COL4A4: variants seen among roughly 807,000 people sequenced by gnomAD.
The protein encoded by COL4A4 is collagen type IV alpha 4 chain, also known as collagen alpha-4(IV) chain.
Under a neutral mutation model 192.9 loss-of-function variants are expected in COL4A4, and 105 were observed. The observed-to-expected ratio is 0.54, with a 90% confidence interval of 0.46 to 0.64. The LOEUF is 0.64. Ranked by LOEUF, COL4A4 falls within the 30% of genes least tolerant of loss-of-function variation. The pLI is 0.00. For missense variants in COL4A4, 1,967 were observed against 2,169.3 expected, an observed-to-expected ratio of 0.91 and a Z score of 1.85; for synonymous variants, 762 against 769.9, an observed-to-expected ratio of 0.99 and a Z score of 0.17.
At position 227,090,573 on chromosome 2, in the gene COL4A4, A is replaced by AC. The variant is rs949612494; in HGVS notation, c.1370-617dup. ...AGACCAGCCTGGCCAACATGGTAAA[A>AC]CCCCCCCCATCTCTGCAAAATCACA... On this transcript the variant is annotated intron_variant, in intron 20 of 47. Transcript: ENST00000396625. Among the ~76,000 whole-genome samples, 660 of 149,926 alleles carry AC rather than the reference A, an allele frequency of 4.4e-3. 4 individuals are homozygous for AC. The highest frequency in any genetic ancestry group is 0.015 in the African/African-American group (613 of 40,786).
intron 17 of COL4A4, 115 bp downstream of exon 17, chr2:227,101,389 C>G: frequency 2.3e-6 from 2 of 873,916 alleles, no homozygotes; most frequent in Non-Finnish European, 1.8e-6. Flanking sequence ...TTAACTGTAT[C>G]TCTTCTAAAA....
intron 26 of COL4A4, 75 bp downstream of exon 26, chr2:227,062,455 G>T: frequency 1.1e-6 from 1 of 932,526 alleles, no homozygotes; most frequent in Non-Finnish European, 1.7e-6. Flanking sequence ...ATTCACTCTT[G>T]GTTTATCTGT....
intron 44 of COL4A4, among the ~76,000 whole-genome samples, chr2:227,014,876 G>A (rs1052371074): frequency 2.7e-5 from 4 of 149,890 alleles, no homozygotes; most frequent in East Asian, 1.9e-4. Context: ...CTACAGGCAC[G>A]GGCCACCATG....
Position 227,060,127 on chromosome 2 carries a change from C to CA in COL4A4, c.2164+8_2164+9insT. On this transcript the variant is annotated intron_variant, in intron 27 of 47. Transcript: ENST00000396625. ...AAAAAAAAAAAAAAAAAAAAAAAAC[C>CA]TCACTGACCAGGTGGACCTGGTATT... 1.8e-6 allele frequency: 1 copy of CA among 540,890 alleles called. No homozygotes were observed. The highest frequency in any genetic ancestry group is 2.5e-6 in the Non-Finnish European group (1 of 392,440). 33.5% of individuals were successfully genotyped at this position (540,890 alleles called of 1,614,324 possible). A position where few individuals can be genotyped will look rare whatever the true frequency, so the allele number is the denominator to read the frequency against.
intron 29 of COL4A4, 135 bp downstream of exon 29, chr2:227,057,304 A>G: frequency 1.9e-6 from 2 of 1,048,488 alleles, no homozygotes; most frequent in South Asian, 2.8e-5. Flanking sequence ...CCAACATGAA[A>G]CTCATGAGTA....
intron 1 of COL4A4, among the ~76,000 whole-genome samples, chr2:227,159,656 G>C (rs1367080132): frequency 6.6e-6 from 1 of 152,178 alleles, no homozygotes; most frequent in Non-Finnish European, 1.5e-5. Context: ...GATACTGAGT[G>C]AGTTCTCATG....
At chr2:227,086,565 T>C (rs1038810088) in intron 22 of COL4A4, among the ~76,000 whole-genome samples, 3 of 151,796 alleles carry the variant, frequency 2.0e-5, no homozygotes, top group Non-Finnish European at 4.4e-5. Flanking sequence ...AGAGAAGCCA[T>C]ATGGACAGAA....
chr2:227,105,831 T>C (rs1382413203), intron 12 of COL4A4, among the ~76,000 whole-genome samples: 1 of 152,180 alleles, frequency 6.6e-6, no homozygotes, highest in African/African-American at 2.4e-5. Flanking sequence ...CCTCTCTCAG[T>C]CCTCATTTCC....
At chr2:227,042,963 C>G (rs568209172) in intron 36 of COL4A4, 114 bp downstream of exon 36, 1 of 800,730 alleles carries the variant, frequency 1.2e-6, no homozygotes, top group South Asian at 1.5e-5. Context: ...AGTCACAGGT[C>G]TGGGAAATGG....
chr2:226,988,153 C>T, the COL4A4 span, among the ~76,000 whole-genome samples: 1 of 152,206 alleles, frequency 6.6e-6, no homozygotes, highest in South Asian at 2.1e-4. Flanking sequence ...CATTTAAACA[C>T]TCTTGCCCTC....
intron 25 of COL4A4, among the ~76,000 whole-genome samples, chr2:227,074,536 C>T (rs1393000262): frequency 6.6e-6 from 1 of 152,162 alleles, no homozygotes; most frequent in Non-Finnish European, 1.5e-5. Flanking sequence ...TGCGACCCAG[C>T]AATCCCACTA....
intron 32 of COL4A4, 77 bp downstream of exon 32, chr2:227,052,228 G>T: frequency 1.1e-6 from 1 of 884,612 alleles, no homozygotes; most frequent in Non-Finnish European, 1.9e-6. Context: ...CAGTGTTATT[G>T]GGGAAAGTTG....
At chr2:227,017,548 CTT>C (rs1320967296) in intron 44 of COL4A4, among the ~76,000 whole-genome samples, 1 of 152,088 alleles carries the variant, frequency 6.6e-6, no homozygotes, top group Non-Finnish European at 1.5e-5. Context: ...ATGGAAAACA[CTT>C]TTGAGTTCAC....
At chr2:227,101,364 C>A in intron 17 of COL4A4, 140 bp downstream of exon 17, 1 of 721,620 alleles carries the variant, frequency 1.4e-6, no homozygotes, top group Non-Finnish European at 2.3e-6. Context: ...ACTAATGTAA[C>A]AATTGAATAA....
At chr2:227,060,959 C>T (rs1976844371) in intron 26 of COL4A4, among the ~76,000 whole-genome samples, 1 of 152,138 alleles carries the variant, frequency 6.6e-6, no homozygotes, top group African/African-American at 2.4e-5. Context: ...ATCTCCTGAC[C>T]TCGTGATCCA....
At chr2:227,071,104 G>A (rs549593495) in intron 25 of COL4A4, among the ~76,000 whole-genome samples, 24 of 151,990 alleles carry the variant, frequency 1.6e-4, no homozygotes, top group Middle Eastern at 3.4e-3. Context: ...TCAAAGATAC[G>A]GGATGGCAAA....
intron 34 of COL4A4, among the ~76,000 whole-genome samples, chr2:227,049,801 C>T (rs1973678620): frequency 1.3e-5 from 2 of 152,218 alleles, no homozygotes; most frequent in African/African-American, 2.4e-5. Flanking sequence ...GGGCTGCAGT[C>T]ACTCCATGGA....
intron 4 of COL4A4, among the ~76,000 whole-genome samples, chr2:227,139,257 C>A (rs547602492): frequency 6.6e-6 from 1 of 152,166 alleles, no homozygotes; most frequent in Non-Finnish European, 1.5e-5. Flanking sequence ...GTAAGCCACC[C>A]AGTCTATGGT....
intron 4 of COL4A4, among the ~76,000 whole-genome samples, chr2:227,130,391 G>A (rs926131790): frequency 2.0e-5 from 3 of 152,312 alleles, no homozygotes; most frequent in South Asian, 2.1e-4. Context: ...TGGCATCTGC[G>A]TCTTCTGCGG....
Sources: allele counts gnomAD v4.1 joint callset (sites outside exome capture counted in the v4.1 genomes callset), GRCh38; gene constraint gnomAD v4.1.1; transcripts MANE v1.5; gene names NCBI Gene and HGNC (gene_info 2026-07-23, HGNC 2026-07-21).